ZNF568: variants seen among roughly 807,000 people sequenced by gnomAD.
ZNF568 encodes the protein p53 inhibitor of SCO2 activation.
ZNF568 carries 11 observed loss-of-function variants against 18.1 expected under a neutral mutation model. The ratio of observed to expected loss-of-function variants is 0.61; its 90% CI spans 0.38 to 1.00. ZNF568 has a LOEUF of 1.00. Among genes scored for constraint, ZNF568 ranks in the 50% least tolerant of loss-of-function variants. The probability of loss-of-function intolerance (pLI) is 0.01; values close to 1 mark genes in which losing one functional copy is unlikely to be tolerated. For synonymous variants in ZNF568, 213 were observed against 246.6 expected, an observed-to-expected ratio of 0.86 and a Z score of 1.28; for missense variants, 639 against 768.2, an observed-to-expected ratio of 0.83 and a Z score of 1.99.
At chr19:36,986,578 G>C (rs1056115081) in intron 2 of ZNF568, among the ~76,000 whole-genome samples, 3 of 152,120 alleles carry the variant, frequency 2.0e-5, no homozygotes, top group African/African-American at 7.2e-5. Context: ...TTTGGTTGTA[G>C]TAACTAGTCC....
At chr19:36,930,558 T>C (rs1474693377) in intron 4 of ZNF568, among the ~76,000 whole-genome samples, 1 of 152,164 alleles carries the variant, frequency 6.6e-6, no homozygotes, top group Non-Finnish European at 1.5e-5. Flanking sequence ...CTAGAGTTGG[T>C]GGGAAAATGT....
chr19:36,985,030 C>T (rs747401581), intron 2 of ZNF568, among the ~76,000 whole-genome samples: 2 of 152,038 alleles, frequency 1.3e-5, no homozygotes, highest in Non-Finnish European at 2.9e-5. Flanking sequence ...AATTCTTTCT[C>T]TTTTCTCCTT....
At chr19:36,995,871 C>T (rs2074466034) in intron 4 of ZNF568, among the ~76,000 whole-genome samples, 1 of 152,168 alleles carries the variant, frequency 6.6e-6, no homozygotes, top group Non-Finnish European at 1.5e-5. Context: ...ATACAAATTA[C>T]ATATTTATAC....
intron 7 of ZNF568, among the ~76,000 whole-genome samples, chr19:36,975,823 G>A (rs2074280658): frequency 6.7e-6 from 1 of 149,974 alleles, no homozygotes; most frequent in Non-Finnish European, 1.5e-5. Context: ...AACCTCCTGA[G>A]TAGCTGGGAT....
intron 6 of ZNF568, among the ~76,000 whole-genome samples, chr19:36,958,821 A>T (rs905257157): frequency 2.6e-5 from 4 of 151,744 alleles, no homozygotes; most frequent in Non-Finnish European, 5.9e-5. Context: ...GGGTTTCGCC[A>T]TGTTGGCCAG....
intron 4 of ZNF568, among the ~76,000 whole-genome samples, chr19:36,936,323 G>C (rs931575971): frequency 6.6e-6 from 1 of 152,066 alleles, no homozygotes; most frequent in African/African-American, 2.4e-5. Context: ...ATCACTTAAA[G>C]AAGCTGAGAA....
At chr19:36,924,705 C>T (rs768604470) in intron 3 of ZNF568, among the ~76,000 whole-genome samples, 2 of 150,830 alleles carry the variant, frequency 1.3e-5, no homozygotes, top group Non-Finnish European at 3.0e-5. Flanking sequence ...GTGGTGGATG[C>T]CTATAATCCC....
At position 36,950,690 on chromosome 19, in the gene ZNF568, C is replaced by T; in HGVS notation, c.1537C>T (p.Gln513Ter). 1 of 1,613,782 alleles carries T rather than the reference C, an allele frequency of 6.2e-7. No homozygotes were observed. Among genetic ancestry groups the T allele is most frequent in the Non-Finnish European group, 8.5e-7 (1 of 1,179,934 alleles). Reference protein sequence around the residue: ...ACTVCGKAFSQKSNLTEHEKI... With the variant: ...ACTVCGKAFS ...TACAGTATGTGGAAAAGCCTTTAGT[C>T]AGAAATCAAACCTCACTGAACATGA... The change falls in exon 7 of 7, where the codon CAG becomes TAG. Residue 513 changes from glutamine (Q) to a stop codon, truncating the protein, a stop_gained. Coordinates refer to ENST00000333987, the MANE Select transcript of ZNF568 (RefSeq NM_198539.4). LOFTEE classifies it low-confidence loss of function (END_TRUNC).
chr19:36,971,229 G>A (rs960546709), intron 6 of ZNF568, among the ~76,000 whole-genome samples: 4 of 149,178 alleles, frequency 2.7e-5, no homozygotes, highest in African/African-American at 7.4e-5. Context: ...GCAAAACTCC[G>A]TCTCAAGAAA....
In ZNF568 at chr19:36,997,183, CAAAG is replaced by C; in HGVS notation, c.1099_1102del (p.Arg367PhefsTer?). The C allele has an allele frequency of 6.2e-7, 1 of 1,601,246 alleles. No homozygotes were observed. The highest frequency in any genetic ancestry group is 8.5e-7 in the Non-Finnish European group (1 of 1,174,568). On this transcript the variant is annotated frameshift_variant, in exon 5 of 5. Transcript: ENST00000433993. LOFTEE classifies it high-confidence loss of function. ...TTGTGCCTCACAGCTGAGTCTACAT[CAAAG>C]AATTCATACTGGTGAGAAACCCCAT...
chr19:36,951,064 A>G lies in ZNF568; in HGVS notation c.1911A>G (p.Thr637=). 6.4e-7 allele frequency: 1 copy of G among 1,563,426 alleles called. No individual in the cohort carries two copies. The highest frequency in any genetic ancestry group is 8.6e-7 in the Non-Finnish European group (1 of 1,159,998). ...TTTCTATACATAAGAGAGGTCATAC[A>G]GGTGAGAGACACCAAGTATATTAAA... is the stretch of plus-strand genomic sequence containing the variant. ...ASLSIHKRGH[T]GERHQVY The change falls in exon 7 of 7, where the codon ACA becomes ACG. Residue 637 remains threonine (T), a synonymous_variant. Transcript: ENST00000333987.
At chr19:36,996,973 T>G in exon 5 of ZNF568, 5 of 1,543,032 alleles carry the variant, frequency 3.2e-6, no homozygotes, top group Non-Finnish European at 4.3e-6. Flanking sequence ...AAGTAAGGCG[T>G]GTGGGAAGGC....
At chr19:36,990,863 C>T (rs1568409570) in intron 2 of ZNF568, among the ~76,000 whole-genome samples, 3 of 152,062 alleles carry the variant, frequency 2.0e-5, no homozygotes, top group African/African-American at 7.2e-5. Context: ...TAGGGTGTTC[C>T]GTGTACTTGC....
intron 6 of ZNF568, among the ~76,000 whole-genome samples, chr19:36,946,643 T>G (rs2073969052): frequency 6.8e-6 from 1 of 146,058 alleles, no homozygotes; most frequent in Non-Finnish European, 1.5e-5. Flanking sequence ...TTTTTTTTTT[T>G]GTTTCCTTTT....
chr19:36,997,193 A>C (rs758146013), exon 5 of ZNF568: 1 of 1,606,886 alleles, frequency 6.2e-7, no homozygotes, highest in Non-Finnish European at 8.5e-7. Flanking sequence ...CAAAGAATTC[A>C]TACTGGTGAG....
intron 6 of ZNF568, among the ~76,000 whole-genome samples, chr19:36,944,235 C>T (rs369346369): frequency 6.6e-6 from 1 of 151,788 alleles, no homozygotes; most frequent in Non-Finnish European, 1.5e-5. Context: ...CCCGTCTCTA[C>T]TAAAAATACA....
At chr19:36,919,770 T>C (rs1363660651) in intron 2 of ZNF568, among the ~76,000 whole-genome samples, 1 of 152,150 alleles carries the variant, frequency 6.6e-6, no homozygotes, top group African/African-American at 2.4e-5. Context: ...ACCTAGTGAC[T>C]TTCTAGCCAA....
At chr19:36,997,061 G>T (rs1233136494) in exon 5 of ZNF568, 3 of 1,567,638 alleles carry the variant, frequency 1.9e-6, no homozygotes, top group African/African-American at 2.7e-5. Context: ...AAGGAATGTG[G>T]AAAGGCTTTT....
intron 2 of ZNF568, among the ~76,000 whole-genome samples, chr19:36,918,884 GTTGTTTGTGC>G (rs2073401573): frequency 6.6e-6 from 1 of 152,080 alleles, no homozygotes; most frequent in Non-Finnish European, 1.5e-5. Context: ...AGAATCATAT[GTTGTTTGTGC>G]TTTTGTGACC....
Sources: allele counts gnomAD v4.1 joint callset (sites outside exome capture counted in the v4.1 genomes callset), GRCh38; gene constraint gnomAD v4.1.1; transcripts MANE v1.5; gene names NCBI Gene and HGNC (gene_info 2026-07-23, HGNC 2026-07-21).